PRDM5: variants seen among roughly 807,000 people sequenced by gnomAD.
PRDM5 encodes PR/SET domain 5.
In PRDM5, 56 loss-of-function variants were observed where a neutral mutation model predicts 81.2. That is an observed-to-expected ratio of 0.69 (90% CI 0.56 to 0.86). The LOEUF (loss-of-function observed/expected upper bound fraction) is 0.86, where lower values mean the gene tolerates loss of function less well. Ranked by LOEUF, PRDM5 falls within the 40% of genes least tolerant of loss-of-function variation. PRDM5 has a pLI of 0.00. For missense variants in PRDM5, 697 were observed against 770.1 expected (o/e 0.91, Z 1.12); for synonymous variants, 267 against 256.4 (o/e 1.04, Z -0.39).
chr4:120,784,991 G>T lies in PRDM5; in HGVS notation c.1282+7C>A. On this transcript the variant is annotated splice_region_variant and intron_variant, in intron 11 of 15. Transcript: ENST00000264808. ...TTATATTCTCAACTGCCTGAATCGTGACTTACTGTTATGTATTAGCAGGTG... is the reference window on the plus strand; with the variant it reads ...TTATATTCTCAACTGCCTGAATCGTTACTTACTGTTATGTATTAGCAGGTG... 1 of 1,576,294 alleles carries T rather than the reference G, an allele frequency of 6.3e-7. No individual in the cohort carries two copies. The highest frequency in any genetic ancestry group is 8.7e-7 in the Non-Finnish European group (1 of 1,145,800).
intron 3 of PRDM5, among the ~76,000 whole-genome samples, chr4:120,826,905 A>G (rs1756063033): frequency 6.6e-6 from 1 of 152,154 alleles, no homozygotes; most frequent in Admixed American, 6.6e-5. Flanking sequence ...GCTGTATTTA[A>G]TAATGATTCT....
chr4:120,794,330 CT>C (rs530194080), intron 10 of PRDM5, among the ~76,000 whole-genome samples: 35 of 149,338 alleles, frequency 2.3e-4, no homozygotes, highest in East Asian at 2.0e-4. Flanking sequence ...TTTTCAAGAA[CT>C]TTTTTTTTTA....
At chr4:120,744,462 A>G (rs892070618) in intron 14 of PRDM5, among the ~76,000 whole-genome samples, 2 of 152,078 alleles carry the variant, frequency 1.3e-5, no homozygotes, top group African/African-American at 4.8e-5. Context: ...GAGACACAAA[A>G]AACCCTTCAA....
intron 7 of PRDM5, chr4:120,812,749 T>C: frequency 2.6e-6 from 1 of 390,792 alleles, no homozygotes; most frequent in Non-Finnish European, 4.9e-6. Flanking sequence ...TTGAGACATC[T>C]TCACAGCTTC....
At chr4:120,797,832 C>A (rs2149281554) in intron 10 of PRDM5, among the ~76,000 whole-genome samples, 1 of 152,192 alleles carries the variant, frequency 6.6e-6, no homozygotes, top group Admixed American at 6.5e-5. Context: ...AAGAGGTTCA[C>A]AGGCAAAGGA....
chr4:120,806,003 C>A (rs1488912949), intron 8 of PRDM5, among the ~76,000 whole-genome samples: 1 of 152,208 alleles, frequency 6.6e-6, no homozygotes, highest in Non-Finnish European at 1.5e-5. Flanking sequence ...TCAGCAGTCT[C>A]AGGATACAAA....
chr4:120,709,483 C>T (rs1736645120), intron 15 of PRDM5, among the ~76,000 whole-genome samples: 2 of 152,134 alleles, frequency 1.3e-5, no homozygotes, highest in Admixed American at 6.6e-5. Flanking sequence ...ACAAGGAAAA[C>T]ATCTTGTGTT....
intron 13 of PRDM5, among the ~76,000 whole-genome samples, chr4:120,772,284 A>G (rs1186994316): frequency 2.0e-5 from 3 of 152,228 alleles, no homozygotes; most frequent in Non-Finnish European, 4.4e-5. Flanking sequence ...ATGATCTTTT[A>G]TCAAATTTCT....
intron 10 of PRDM5, among the ~76,000 whole-genome samples, chr4:120,786,848 G>A (rs76875624): frequency 0.019 from 2,834 of 152,204 alleles, 94 homozygotes; most frequent in African/African-American, 0.064. Context: ...AGATGAAAAT[G>A]GACAAAAGGA....
chr4:120,778,689 A>G (rs190847694), intron 12 of PRDM5, among the ~76,000 whole-genome samples: 4 of 152,244 alleles, frequency 2.6e-5, no homozygotes, highest in Non-Finnish European at 5.9e-5. Context: ...GAAAAACACA[A>G]TCGAATCAAC....
chr4:120,824,998 A>G (rs2149355988), intron 3 of PRDM5, among the ~76,000 whole-genome samples: 1 of 152,244 alleles, frequency 6.6e-6, no homozygotes, highest in Admixed American at 6.5e-5. Context: ...GTAGTAAAAG[A>G]TAACAATGGA....
downstream of PRDM5, among the ~76,000 whole-genome samples, chr4:120,691,196 C>T (rs1054425131): frequency 6.6e-6 from 1 of 152,036 alleles, no homozygotes; most frequent in African/African-American, 2.4e-5. Context: ...TTGTTACATT[C>T]CAGACTATTT....
At chr4:120,870,985 G>C (rs1761725085) in intron 2 of PRDM5, among the ~76,000 whole-genome samples, 1 of 152,092 alleles carries the variant, frequency 6.6e-6, no homozygotes, top group Admixed American at 6.5e-5. Flanking sequence ...GATTCATCTT[G>C]CCAGATTTCC....
At chr4:120,839,308 T>C (rs764330019) in intron 3 of PRDM5, 2 of 702,836 alleles carry the variant, frequency 2.8e-6, no homozygotes, top group Middle Eastern at 4.6e-4. Context: ...TACAAACAAG[T>C]AGAAGGTAAG....
chr4:120,892,655 G>A (rs1444708317), intron 2 of PRDM5, among the ~76,000 whole-genome samples: 1 of 152,148 alleles, frequency 6.6e-6, no homozygotes, highest in South Asian at 2.1e-4. Flanking sequence ...TGGGCCGGAA[G>A]TTCTAATGGG....
chr4:120,838,011 A>G (rs968238977), intron 3 of PRDM5: 4 of 152,234 alleles, frequency 2.6e-5, no homozygotes, highest in African/African-American at 9.7e-5. Context: ...TAGTCAAATG[A>G]TTACCCATTT....
intron 3 of PRDM5, among the ~76,000 whole-genome samples, chr4:120,844,150 T>C (rs2149399243): frequency 6.6e-6 from 1 of 152,152 alleles, no homozygotes; most frequent in Non-Finnish European, 1.5e-5. Context: ...ATGCACAGAA[T>C]TATACTAGAT....
In PRDM5 at chr4:120,811,429, T is replaced by C; in HGVS notation, c.886A>G (p.Ile296Val). 1 of 1,600,658 alleles carries C rather than the reference T, an allele frequency of 6.2e-7. No homozygotes were observed. The highest frequency in any genetic ancestry group is 8.5e-7 in the Non-Finnish European group (1 of 1,169,602). The change falls in exon 8 of 16, where the codon ATA becomes GTA. Residue 296 changes from isoleucine to valine, a missense_variant. Transcript: ENST00000264808. ...VHTGDPKKKL[I>V]CSVCNKKCSS... ...CACTTTTTATTGCACACTGAACATA[T>C]AAGCTTTTTCTTAGGATCTCCTAAA...
At chr4:120,802,814 A>G (rs1752333371) in intron 8 of PRDM5, among the ~76,000 whole-genome samples, 3 of 152,214 alleles carry the variant, frequency 2.0e-5, no homozygotes, top group African/African-American at 7.2e-5. Flanking sequence ...CCCCCTCCAA[A>G]GGAACGCAGC....
Sources: allele counts gnomAD v4.1 joint callset (sites outside exome capture counted in the v4.1 genomes callset), GRCh38; gene constraint gnomAD v4.1.1; transcripts MANE v1.5; gene names NCBI Gene and HGNC (gene_info 2026-07-23, HGNC 2026-07-21).